Variants in AUTS2 observed in about 807,000 individuals in gnomAD.
AUTS2 encodes the protein autism susceptibility gene 2 protein.
Under a neutral mutation model 112.4 loss-of-function variants are expected in AUTS2, and 17 were observed. That is an observed-to-expected ratio of 0.15 (90% CI 0.10 to 0.23). The LOEUF (loss-of-function observed/expected upper bound fraction) is 0.23, where lower values mean the gene tolerates loss of function less well. AUTS2 is among the 10% of genes least tolerant of loss of function. The pLI, the probability that AUTS2 is intolerant of heterozygous loss-of-function variation, is 1.00. For missense variants in AUTS2, 1,510 were observed against 1,701.6 expected, an observed-to-expected ratio of 0.89 and a Z score of 1.98; for synonymous variants, 751 against 702.7, an observed-to-expected ratio of 1.07 and a Z score of -1.09.
Position 70,018,400 on chromosome 7 carries a change from A to G in AUTS2, c.523-99732A>G, listed in dbSNP as rs542245644. ...TCACACTTTATCAGGACTGAAGGGT[A>G]TACCAGGATCTAACGATCAACTTCA... is the stretch of plus-strand genomic sequence containing the variant. On this transcript the variant is annotated intron_variant, in intron 2 of 18. Transcript: ENST00000342771. Among the ~76,000 whole-genome samples, 3 of 152,352 alleles carry G rather than the reference A, an allele frequency of 2.0e-5. No homozygotes were observed. In the South Asian group the frequency reaches 6.2e-4, roughly 32 times the overall value.
At chr7:70,419,713 T>C (rs1025252506) in intron 4 of AUTS2, among the ~76,000 whole-genome samples, 7 of 152,224 alleles carry the variant, frequency 4.6e-5, no homozygotes, top group Admixed American at 4.6e-4. Flanking sequence ...ATTTTCCAAA[T>C]AGAAATTGAC....
intron 4 of AUTS2, among the ~76,000 whole-genome samples, chr7:70,330,183 T>C (rs1790679093): frequency 6.6e-6 from 1 of 152,216 alleles, no homozygotes; most frequent in Non-Finnish European, 1.5e-5. Context: ...TGATATCACA[T>C]CTAGGAATTT....
intron 4 of AUTS2, among the ~76,000 whole-genome samples, chr7:70,354,985 T>TGTGTGTGTGTATGG (rs1562903299): frequency 6.6e-6 from 1 of 150,388 alleles, no homozygotes; most frequent in African/African-American, 2.4e-5. Flanking sequence ...TATGTATGGG[T>TGTGTGTGTGTATGG]GTGTGTGTGT....
intron 1 of AUTS2, among the ~76,000 whole-genome samples, chr7:69,725,727 G>A (rs536853427): frequency 2.0e-5 from 3 of 152,190 alleles, no homozygotes; most frequent in Non-Finnish European, 4.4e-5. Context: ...AAGGTATGCT[G>A]GTAAATTGCA....
chr7:70,243,338 G>A (rs530809674), intron 4 of AUTS2, among the ~76,000 whole-genome samples: 2 of 151,420 alleles, frequency 1.3e-5, no homozygotes, highest in African/African-American at 2.4e-5. Context: ...TAATCAATGG[G>A]ATTATGGCTT....
At chr7:70,013,104 G>A (rs995439840) in intron 2 of AUTS2, among the ~76,000 whole-genome samples, 1 of 152,168 alleles carries the variant, frequency 6.6e-6, no homozygotes, top group South Asian at 2.1e-4. Context: ...AGCAAGGGGT[G>A]AAAATGTGGG....
At chr7:70,569,155 C>G (rs748988909) in intron 5 of AUTS2, among the ~76,000 whole-genome samples, 2 of 152,148 alleles carry the variant, frequency 1.3e-5, no homozygotes, top group Non-Finnish European at 2.9e-5. Context: ...TGGAGAGCCT[C>G]TTATTTTATC....
chr7:70,344,723 C>A (rs541327872), intron 4 of AUTS2, among the ~76,000 whole-genome samples: 3 of 152,174 alleles, frequency 2.0e-5, no homozygotes, highest in African/African-American at 2.4e-5. Context: ...ATGTCTCCCC[C>A]ACCCCATCCT....
intron 1 of AUTS2, among the ~76,000 whole-genome samples, chr7:69,672,962 T>A (rs1796403105): frequency 6.6e-6 from 1 of 152,194 alleles, no homozygotes; most frequent in Admixed American, 6.5e-5. Flanking sequence ...TGTACTAGCT[T>A]TTGGGTGACC....
chr7:70,302,488 C>T (rs775684742), intron 4 of AUTS2, among the ~76,000 whole-genome samples: 2 of 152,052 alleles, frequency 1.3e-5, no homozygotes, highest in African/African-American at 2.4e-5. Context: ...CATTAAAAAA[C>T]ACCATAATTC....
intron 2 of AUTS2, among the ~76,000 whole-genome samples, chr7:69,946,960 A>G (rs1309415566): frequency 6.6e-6 from 1 of 152,120 alleles, no homozygotes; most frequent in Non-Finnish European, 1.5e-5. Context: ...CAGTTCTCTC[A>G]TGTTAGTCCT....
chr7:69,763,843 T>G (rs147723371), intron 1 of AUTS2, among the ~76,000 whole-genome samples: 26 of 152,352 alleles, frequency 1.7e-4, no homozygotes, highest in African/African-American at 6.0e-4. Flanking sequence ...TATACGGATG[T>G]ATTTAGCGAT....
At chr7:69,761,675 C>T (rs1392017265) in intron 1 of AUTS2, among the ~76,000 whole-genome samples, 1 of 152,138 alleles carries the variant, frequency 6.6e-6, no homozygotes, top group African/African-American at 2.4e-5. Flanking sequence ...TAAGGAAAAT[C>T]TTTAAGCCCC....
intron 4 of AUTS2, among the ~76,000 whole-genome samples, chr7:70,345,703 G>A (rs979788279): frequency 6.6e-6 from 1 of 152,144 alleles, no homozygotes; most frequent in Non-Finnish European, 1.5e-5. Flanking sequence ...CCCTTAGTAT[G>A]CATCATGAGA....
At chr7:69,711,228 C>T (rs554658303) in intron 1 of AUTS2, among the ~76,000 whole-genome samples, 66 of 152,080 alleles carry the variant, frequency 4.3e-4, no homozygotes, top group African/African-American at 1.4e-3. Context: ...TTTGTGCCCC[C>T]GTGCAATTAA....
At chr7:70,753,204 A>G (rs1188860158) in intron 6 of AUTS2, among the ~76,000 whole-genome samples, 1 of 152,008 alleles carries the variant, frequency 6.6e-6, no homozygotes, top group Non-Finnish European at 1.5e-5. Context: ...CCTCTAATCC[A>G]CTGGACTCCA....
At chr7:70,781,981 G>T in intron 15 of AUTS2, 1 of 556,202 alleles carries the variant, frequency 1.8e-6, no homozygotes. Context: ...CCCTTACAGG[G>T]ATTCACATTG....
At chr7:69,767,029 A>G (rs1306068815) in intron 1 of AUTS2, among the ~76,000 whole-genome samples, 1 of 152,258 alleles carries the variant, frequency 6.6e-6, no homozygotes, top group Admixed American at 6.5e-5. Context: ...TGAAGACTGT[A>G]TCATGGAATG....
chr7:69,769,667 G>A (rs184563868), intron 1 of AUTS2, among the ~76,000 whole-genome samples: 33 of 152,316 alleles, frequency 2.2e-4, no homozygotes, highest in Admixed American at 2.0e-3. Flanking sequence ...ATGCAGACCA[G>A]AGCTTGTGGG....
Sources: gnomAD v4.1 joint callset for allele counts (sites outside exome capture counted in the v4.1 genomes callset) on GRCh38, gnomAD v4.1.1 for gene constraint, MANE v1.5 for transcripts, NCBI Gene and HGNC (gene_info 2026-07-23, HGNC 2026-07-21) for gene names.